The following LRRK2 variants were observed in gnomAD, a reference collection of about 807,000 sequenced individuals.
LRRK2 encodes leucine-rich repeat serine/threonine-protein kinase 2.
Under a neutral mutation model 302.6 loss-of-function variants are expected in LRRK2, and 203 were observed. That is an observed-to-expected ratio of 0.67 (90% confidence interval 0.60 to 0.75). The LOEUF is 0.75. Among genes scored for constraint, LRRK2 ranks in the 30% least tolerant of loss-of-function variants. LRRK2 has a pLI of 0.00. For synonymous variants in LRRK2, 1,066 were observed against 1,031.9 expected (o/e 1.03, Z -0.63); for missense variants, 2,830 against 2,951.0 (o/e 0.96, Z 0.95).
At chr12:40,270,881 G>GA (rs894266627) in intron 14 of LRRK2, among the ~76,000 whole-genome samples, 4 of 151,938 alleles carry the variant, frequency 2.6e-5, no homozygotes, top group Admixed American at 6.6e-5. Flanking sequence ...ATTTTGGCAT[G>GA]AAAAAAAGCC....
intron 10 of LRRK2, 128 bp from the exon 11 acceptor site, chr12:40,252,782 G>T (rs1384007982): frequency 1.5e-5 from 10 of 681,268 alleles, no homozygotes; most frequent in Non-Finnish European, 2.7e-5. Context: ...ACTCTTGTAA[G>T]TGGAGGTGGC....
chr12:40,314,215 T>A, intron 32 of LRRK2, 42 bp downstream of exon 32: 1 of 1,558,744 alleles, frequency 6.4e-7, no homozygotes, highest in Non-Finnish European at 8.8e-7. Flanking sequence ...TCAGCTGTAG[T>A]AACTTATAAA....
At chr12:40,363,312 A>AAATG in intron 47 of LRRK2, 90 bp from the exon 48 acceptor site, 2 of 1,128,886 alleles carry the variant, frequency 1.8e-6, no homozygotes, top group Non-Finnish European at 1.3e-6. Context: ...TAGTGTTTTT[A>AAATG]CATTAAGAAC....
chr12:40,247,649 TG>T, intron 7 of LRRK2, among the ~76,000 whole-genome samples: 1 of 88,806 alleles, frequency 1.1e-5, no homozygotes, highest in South Asian at 4.7e-4. Flanking sequence ...TATACACAGA[TG>T]TATATAAATA....
intron 14 of LRRK2, among the ~76,000 whole-genome samples, chr12:40,270,683 A>G (rs546649397): frequency 1.3e-5 from 2 of 152,100 alleles, no homozygotes; most frequent in South Asian, 4.2e-4. Flanking sequence ...AAATCCATCC[A>G]CTTTATTAGG....
At chr12:40,283,776 G>A in intron 18 of LRRK2, 99 bp from the exon 19 acceptor site, 1 of 1,004,348 alleles carries the variant, frequency 1.0e-6, no homozygotes, top group Admixed American at 2.4e-5. Flanking sequence ...ATTCCAAATT[G>A]GAGATGTAGA....
intron 43 of LRRK2, among the ~76,000 whole-genome samples, chr12:40,349,216 A>G (rs939127981): frequency 1.3e-5 from 2 of 152,166 alleles, no homozygotes; most frequent in Non-Finnish European, 2.9e-5. Flanking sequence ...GTAATTTATT[A>G]AAGATAATGT....
intron 41 of LRRK2, among the ~76,000 whole-genome samples, chr12:40,343,298 T>C (rs1271669127): frequency 6.6e-6 from 1 of 152,144 alleles, no homozygotes; most frequent in Non-Finnish European, 1.5e-5. Context: ...CTGCTGGGAG[T>C]GACAGTTAAT....
chr12:40,277,402 C>T (rs1278556174), intron 16 of LRRK2, among the ~76,000 whole-genome samples: 1 of 152,184 alleles, frequency 6.6e-6, no homozygotes, highest in Admixed American at 6.5e-5. Flanking sequence ...GGAGTCCACA[C>T]TAGCCTTTCT....
chr12:40,321,091 C>T lies in LRRK2; in HGVS notation c.5073C>T (p.Ile1691=). 6.2e-7 allele frequency: 1 copy of T among 1,612,970 alleles called. No homozygotes were observed. Among genetic ancestry groups the T allele is most frequent in the Non-Finnish European group, 8.5e-7 (1 of 1,179,110 alleles). ...CCCATTGTGAGAACTCTGAAATTAT[C>T]ATCCGACTATATGAAATGCCTTATT... ...ELPHCENSEI[I]IRLYEMPYFP... The change falls in exon 35 of 51, where the codon ATC becomes ATT. Residue 1691 remains isoleucine, a synonymous_variant. Coordinates refer to ENST00000298910, the MANE Select transcript of LRRK2 (RefSeq NM_198578.4).
chr12:40,356,179 A>T lies in LRRK2; in HGVS notation c.6835A>T (p.Thr2279Ser). 6.2e-7 allele frequency: 1 copy of T among 1,610,528 alleles called. No individual in the cohort carries two copies. The highest frequency in any genetic ancestry group is 8.5e-7 in the Non-Finnish European group (1 of 1,178,012). Residue 2279 changes from threonine to serine, a missense_variant, in exon 46 of 51, where the codon ACT becomes TCT. Thr to Ser is a moderately conservative substitution (Grantham distance 58, BLOSUM62 1). Transcript: ENST00000298910. The stretch of plus-strand genomic sequence containing the variant: ...CAAGTTAGCAATTTTTGAAGATAAG[A>T]CTGTTAAGGTAAATGTTGAATGCAT... ...DGKLAIFEDK[T>S]VKLKGAAPLK...
chr12:40,272,516 C>T (rs772304377), intron 14 of LRRK2, among the ~76,000 whole-genome samples: 1 of 152,144 alleles, frequency 6.6e-6, no homozygotes, highest in Non-Finnish European at 1.5e-5. Flanking sequence ...AAAAGAATGT[C>T]TGGCACTGAG....
At chr12:40,343,984 T>G (rs1374854260) in intron 41 of LRRK2, among the ~76,000 whole-genome samples, 1 of 152,216 alleles carries the variant, frequency 6.6e-6, no homozygotes, top group Non-Finnish European at 1.5e-5. Flanking sequence ...CCAATGAAGA[T>G]ATTTACTTTG....
rs1473126404 is a variant in LRRK2 at position 40,278,234 on chromosome 12, A to G, written c.2214A>G (p.Ala738=). Reference sequence around the variant, plus strand: ...TATTGGGAGCAGATGCCAATCAAGCAAAGGAGGGATCTTCTTTAATTTGTC... The same window carrying G: ...TATTGGGAGCAGATGCCAATCAAGCGAAGGAGGGATCTTCTTTAATTTGTC... The part of the protein sequence containing the change: ...LLLLGADANQ[A]KEGSSLICQV... The change falls in exon 18 of 51, where the codon GCA becomes GCG. Residue 738 remains alanine (A), a synonymous_variant. Transcript: ENST00000298910. 1 of 1,614,176 alleles carries G rather than the reference A, an allele frequency of 6.2e-7. No homozygotes were observed. The highest frequency in any genetic ancestry group is 8.5e-7 in the Non-Finnish European group (1 of 1,180,014).
rs1185889837 is a variant in LRRK2, at chr12:40,364,968, C to G, written c.7308C>G (p.Leu2436=). The change falls in exon 49 of 51, where the codon CTC becomes CTG. Residue 2436 remains leucine, a synonymous_variant. Transcript: ENST00000298910. ...WIGTGGGHIL[L]LDLSTRRLIR... ...GAACTGGAGGAGGCCATATTTTACT[C>G]CTGGATCTTTCAACTCGTCGACTTA... 5.6e-6 allele frequency: 9 copies of G among 1,612,644 alleles called. No homozygotes were observed. Among genetic ancestry groups the G allele is most frequent in the Non-Finnish European group, 7.6e-6 (9 of 1,179,120 alleles).
chr12:40,249,804 T>C, intron 7 of LRRK2, 22 bp from the exon 8 acceptor site: 1 of 1,612,800 alleles, frequency 6.2e-7, no homozygotes, highest in South Asian at 1.1e-5. Flanking sequence ...AGAATTCAGC[T>C]AATGTTTCAC....
intron 6 of LRRK2, among the ~76,000 whole-genome samples, chr12:40,243,232 T>A (rs1030965715): frequency 1.3e-5 from 2 of 152,112 alleles, no homozygotes; most frequent in Non-Finnish European, 2.9e-5. Context: ...TTCCAGACTT[T>A]CATTTTCAGT....
chr12:40,354,314 A>G lies in LRRK2; in HGVS notation c.6592A>G (p.Arg2198Gly). The change falls in exon 45 of 51, where the codon AGA becomes GGA. Residue 2198 changes from arginine to glycine, a missense_variant. Arg to Gly is a moderately radical substitution (Grantham distance 125). Coordinates refer to ENST00000298910, the MANE Select transcript of LRRK2 (RefSeq NM_198578.4). ...TTCTTAACAGGAAGTTGCTGATAGTAGAATATTGTGCTTAGCCTTGGTGCA... is the reference window on the plus strand; with the variant it reads ...TTCTTAACAGGAAGTTGCTGATAGTGGAATATTGTGCTTAGCCTTGGTGCA... ...GYTSEEVADS[R>G]ILCLALVHLP... 1 of 1,614,048 alleles carries G rather than the reference A, an allele frequency of 6.2e-7. No homozygotes were observed. The highest frequency in any genetic ancestry group is 1.1e-5 in the South Asian group (1 of 91,048).
intron 7 of LRRK2, among the ~76,000 whole-genome samples, chr12:40,248,666 G>A (rs1371901556): frequency 6.6e-6 from 1 of 152,126 alleles, no homozygotes; most frequent in Non-Finnish European, 1.5e-5. Flanking sequence ...TGGGCTTAAT[G>A]CATTTAAAGG....
Sources: allele counts gnomAD v4.1 joint callset (sites outside exome capture counted in the v4.1 genomes callset), GRCh38; gene constraint gnomAD v4.1.1; transcripts MANE v1.5; gene names NCBI Gene and HGNC (gene_info 2026-07-23, HGNC 2026-07-21).